C12orf42: variants seen among roughly 807,000 people sequenced by gnomAD.
C12orf42 encodes chromosome 12 open reading frame 42, also known as uncharacterized protein C12orf42.
C12orf42 carries 25 observed loss-of-function variants against 21.6 expected under a neutral mutation model. That is an observed-to-expected ratio of 1.16 (90% CI 0.84 to 1.62). The LOEUF (loss-of-function observed/expected upper bound fraction) is 1.62, where lower values mean the gene tolerates loss of function less well. Among genes scored for constraint, C12orf42 ranks in the 40% most tolerant of loss-of-function variants. C12orf42 has a pLI of 0.00. For missense variants in C12orf42, 483 were observed against 459.3 expected (o/e 1.05, Z -0.47); for synonymous variants, 174 against 175.0 (o/e 0.99, Z 0.05).
chr12:103,202,513 G>A, the C12orf42 span, among the ~76,000 whole-genome samples: 1 of 152,180 alleles, frequency 6.6e-6, no homozygotes, highest in South Asian at 2.1e-4. Context: ...GTTAACAGTT[G>A]AGTCTAACTG....
chr12:103,530,700 G>A, the C12orf42 span, among the ~76,000 whole-genome samples: 7 of 152,198 alleles, frequency 4.6e-5, no homozygotes, highest in East Asian at 1.2e-3. Flanking sequence ...AAGGAGATAG[G>A]GAAAGAATTT....
At chr12:103,474,454 ATGTG>A (rs371887251) in intron 2 of C12orf42, among the ~76,000 whole-genome samples, 19 of 149,374 alleles carry the variant, frequency 1.3e-4, no homozygotes, top group South Asian at 2.1e-4. Flanking sequence ...GTATGTATGT[ATGTG>A]TGTGTGTGTG....
chr12:103,391,482 C>T (rs1018158724), intron 3 of C12orf42, among the ~76,000 whole-genome samples: 3 of 151,908 alleles, frequency 2.0e-5, no homozygotes, highest in South Asian at 4.2e-4. Context: ...AAAGTGATAC[C>T]TCATCGTGGT....
At chr12:103,174,527 T>G in the C12orf42 span, among the ~76,000 whole-genome samples, 1 of 152,098 alleles carries the variant, frequency 6.6e-6, no homozygotes, top group African/African-American at 2.4e-5. Flanking sequence ...TTGCCCCAGG[T>G]CACACAGCTG....
the C12orf42 span, among the ~76,000 whole-genome samples, chr12:103,227,827 T>C: frequency 6.6e-6 from 1 of 151,854 alleles, no homozygotes; most frequent in Non-Finnish European, 1.5e-5. Flanking sequence ...ATAAAATGTG[T>C]CTCCTTTGTC....
chr12:103,129,318 C>T, the C12orf42 span, among the ~76,000 whole-genome samples: 1 of 152,070 alleles, frequency 6.6e-6, no homozygotes, highest in African/African-American at 2.4e-5. Context: ...ATGATCCCAG[C>T]GTGTTATGCT....
chr12:103,539,230 G>A, the C12orf42 span, among the ~76,000 whole-genome samples: 2 of 152,170 alleles, frequency 1.3e-5, no homozygotes, highest in East Asian at 3.8e-4. Flanking sequence ...CAAAGACATT[G>A]AGTGCAGAGT....
At chr12:103,087,821 G>A in the C12orf42 span, among the ~76,000 whole-genome samples, 1 of 152,184 alleles carries the variant, frequency 6.6e-6, no homozygotes, top group Non-Finnish European at 1.5e-5. Flanking sequence ...TTATTCAACA[G>A]GACATGATTA....
Position 103,412,879 on chromosome 12 carries a change from G to A in C12orf42, c.79-11204C>T, listed in dbSNP as rs764745004. Among the ~76,000 whole-genome samples, 23 of 152,118 alleles carry A rather than the reference G, an allele frequency of 1.5e-4. 1 individual carries two copies. Among genetic ancestry groups the A allele is most frequent in the Non-Finnish European group, 2.8e-4 (19 of 68,020 alleles). ...ATATTTAGCCTTTGTGGGATGCATA[G>A]TTTGCAAATATCTTCTCCCATTTTG... On this transcript the variant is annotated intron_variant, in intron 2 of 5. Coordinates refer to ENST00000548883, the MANE Select transcript of C12orf42 (RefSeq NM_198521.5).
the C12orf42 span, among the ~76,000 whole-genome samples, chr12:103,104,439 T>G: frequency 2.6e-5 from 4 of 152,182 alleles, no homozygotes; most frequent in East Asian, 7.7e-4. Flanking sequence ...TTGTTGTTGT[T>G]TGTTTATTTG....
the C12orf42 span, among the ~76,000 whole-genome samples, chr12:103,562,608 C>T: frequency 6.6e-6 from 1 of 152,212 alleles, no homozygotes; most frequent in East Asian, 1.9e-4. Context: ...CCACACTCAG[C>T]ACCAACATGA....
At chr12:103,420,336 A>T (rs2049773264) in intron 2 of C12orf42, among the ~76,000 whole-genome samples, 1 of 152,184 alleles carries the variant, frequency 6.6e-6, no homozygotes, top group Non-Finnish European at 1.5e-5. Context: ...TCCTTTGAAG[A>T]TTCTTTGGAA....
At chr12:103,309,860 CT>C (rs2038788663) in intron 4 of C12orf42, among the ~76,000 whole-genome samples, 1 of 152,238 alleles carries the variant, frequency 6.6e-6, no homozygotes, top group Non-Finnish European at 1.5e-5. Context: ...TGAGCCACAG[CT>C]TTGTCCGAGA....
At chr12:103,546,600 G>A in the C12orf42 span, among the ~76,000 whole-genome samples, 19 of 152,264 alleles carry the variant, frequency 1.2e-4, 1 homozygote, top group Admixed American at 2.0e-4. Context: ...AGGGTCAGGT[G>A]TTTTGATGGA....
chr12:103,449,785 AT>A (rs1190573964), intron 2 of C12orf42, among the ~76,000 whole-genome samples: 25 of 150,980 alleles, frequency 1.7e-4, no homozygotes, highest in East Asian at 3.9e-4. Flanking sequence ...AAACTTTAGA[AT>A]TTTTTTCTAG....
the C12orf42 span, among the ~76,000 whole-genome samples, chr12:103,057,179 TC>T: frequency 6.8e-6 from 1 of 146,652 alleles, no homozygotes; most frequent in Non-Finnish European, 1.5e-5. Context: ...GAACAGCACA[TC>T]TTTTTTTTTT....
At chr12:103,225,771 AAC>A in the C12orf42 span, among the ~76,000 whole-genome samples, 1 of 152,186 alleles carries the variant, frequency 6.6e-6, no homozygotes. Flanking sequence ...CAATACCCAC[AAC>A]AGTTATGGAG....
At chr12:103,357,779 A>T (rs1195132009) in intron 4 of C12orf42, among the ~76,000 whole-genome samples, 1 of 152,154 alleles carries the variant, frequency 6.6e-6, no homozygotes, top group African/African-American at 2.4e-5. Flanking sequence ...AAGGCCAAGT[A>T]ACAACGTTAT....
intron 3 of C12orf42, among the ~76,000 whole-genome samples, chr12:103,383,707 T>C (rs2046364845): frequency 6.6e-6 from 1 of 152,222 alleles, no homozygotes; most frequent in Non-Finnish European, 1.5e-5. Context: ...ATAAATGACA[T>C]AGCAGTTCAG....
Sources: gnomAD v4.1 joint callset for allele counts (sites outside exome capture counted in the v4.1 genomes callset) on GRCh38, gnomAD v4.1.1 for gene constraint, MANE v1.5 for transcripts, NCBI Gene and HGNC (gene_info 2026-07-23, HGNC 2026-07-21) for gene names.